Variants in SCYL3 observed in about 807,000 individuals in gnomAD.
SCYL3 encodes protein-associating with the carboxyl-terminal domain of ezrin.
SCYL3 carries 35 observed loss-of-function variants against 73.8 expected under a neutral mutation model. The ratio of observed to expected loss-of-function variants is 0.47; its 90% CI spans 0.36 to 0.63. SCYL3 has a LOEUF of 0.63. Ranked by LOEUF, SCYL3 falls within the 20% of genes least tolerant of loss-of-function variation. The pLI, the probability that SCYL3 is intolerant of heterozygous loss-of-function variation, is 0.00. For missense variants in SCYL3, 712 were observed against 798.9 expected, an observed-to-expected ratio of 0.89 and a Z score of 1.31; for synonymous variants, 277 against 295.2, an observed-to-expected ratio of 0.94 and a Z score of 0.63.
chr1:169,863,476 G>A lies in SCYL3; in HGVS notation c.956-679C>T, dbSNP rs151070748. On this transcript the variant is annotated intron_variant, in intron 9 of 12. Transcript: ENST00000367771. ...TTATTTGCAAAACCAGGTGTTAAAT[G>A]CTACAGTGGGACTTTGATGCTGGAT... Among the ~76,000 whole-genome samples, 29 of 152,318 alleles carry A rather than the reference G, an allele frequency of 1.9e-4. No homozygotes were observed. In the East Asian group the frequency reaches 5.2e-3, roughly 27 times the overall value.
chr1:169,887,411 A>T (rs1415217544), intron 2 of SCYL3, among the ~76,000 whole-genome samples: 8 of 152,172 alleles, frequency 5.3e-5, no homozygotes, highest in Non-Finnish European at 1.0e-4. Flanking sequence ...ACACAATTTT[A>T]AAAAAATCTT....
chr1:169,852,012 C>G lies in SCYL3; in HGVS notation c.*1701G>C, dbSNP rs774229437. 6.3e-7 allele frequency: 1 copy of G among 1,599,540 alleles called. No homozygotes were observed. On this transcript the variant is annotated 3_prime_UTR_variant, in exon 13 of 13. Coordinates refer to ENST00000367771, the MANE Select transcript of SCYL3 (RefSeq NM_020423.7). Reference sequence around the variant, plus strand: ...CTTTTTACTTACTGACGAAACAAACCAGTGTGGTTTCCAGCCTTATGCTGA... The same window carrying G: ...CTTTTTACTTACTGACGAAACAAACGAGTGTGGTTTCCAGCCTTATGCTGA...
At chr1:169,855,804 A>G (rs776608005) in intron 11 of SCYL3, 30 of 1,612,338 alleles carry the variant, frequency 1.9e-5, no homozygotes, top group Non-Finnish European at 2.5e-5. Context: ...ACCTGTCTGT[A>G]AAAGAGTATT....
intron 2 of SCYL3, among the ~76,000 whole-genome samples, chr1:169,881,332 G>C (rs905774605): frequency 6.6e-6 from 1 of 152,048 alleles, no homozygotes. Flanking sequence ...TATTTTGGGG[G>C]AGTACCTGTG....
Position 169,854,729 on chromosome 1 carries a change from C to T in SCYL3, c.1548G>A (p.Trp516Ter). ...CTAAGCTGCTGGGCTCGCAGTCATC[C>T]CAAGATGACTCTTCCACATCCAAGG... ...CTTLDVEESS[W>*]DDCEPSSLDT... Residue 516 changes from tryptophan (W) to a stop codon, truncating the protein, a stop_gained, in exon 12 of 13, where the codon TGG becomes TGA. Transcript: ENST00000367771. LOFTEE classifies it high-confidence loss of function. 1 of 1,613,960 alleles carries T rather than the reference C, an allele frequency of 6.2e-7. No homozygotes were observed. Among genetic ancestry groups the T allele is most frequent in the Non-Finnish European group, 8.5e-7 (1 of 1,179,876 alleles).
chr1:169,890,903 C>T (rs1662036412), intron 1 of SCYL3, among the ~76,000 whole-genome samples: 1 of 152,242 alleles, frequency 6.6e-6, no homozygotes, highest in South Asian at 2.1e-4. Context: ...GCTAATCCCT[C>T]TGTTCTGGAG....
At chr1:169,853,928 T>G in intron 12 of SCYL3, 156 bp from the exon 13 acceptor site, 2 of 810,548 alleles carry the variant, frequency 2.5e-6, no homozygotes, top group South Asian at 3.6e-5. Flanking sequence ...AACAGAAAGT[T>G]GAAAAGTAGG....
chr1:169,876,270 TAAGAAAC>T (rs780912196), intron 3 of SCYL3, among the ~76,000 whole-genome samples, 179 bp from the exon 4 acceptor site: 1 of 152,194 alleles, frequency 6.6e-6, no homozygotes, highest in Non-Finnish European at 1.5e-5. Flanking sequence ...ACTATAACTT[TAAGAAAC>T]AACAAATTGA....
chr1:169,869,831 G>C (rs773172127), intron 6 of SCYL3, among the ~76,000 whole-genome samples: 3 of 152,106 alleles, frequency 2.0e-5, no homozygotes, highest in Non-Finnish European at 4.4e-5. Context: ...AATCAAATGA[G>C]CTTTGAAAGA....
chr1:169,889,472 T>G (rs1317765975), intron 1 of SCYL3, among the ~76,000 whole-genome samples: 1 of 151,848 alleles, frequency 6.6e-6, no homozygotes, highest in Non-Finnish European at 1.5e-5. Context: ...AACAGACAAC[T>G]CATTGAAGAA....
Position 169,849,675 on chromosome 1 carries a change from C to A in SCYL3, c.*4038G>T. On this transcript the variant is annotated 3_prime_UTR_variant, in exon 13 of 13. Coordinates refer to ENST00000367771, the MANE Select transcript of SCYL3 (RefSeq NM_020423.7). ...ATATTTCAAATATTCCAGAACAATC[C>A]CAAAACATTTATTGAACTGCTTCTG... 1 of 1,225,690 alleles carries A rather than the reference C, an allele frequency of 8.2e-7. No homozygotes were observed. 75.9% of individuals were successfully genotyped at this position (1,225,690 alleles called of 1,614,324 possible).
intron 1 of SCYL3, among the ~76,000 whole-genome samples, chr1:169,890,947 C>A (rs1234129948): frequency 6.6e-6 from 1 of 152,222 alleles, no homozygotes; most frequent in Non-Finnish European, 1.5e-5. Flanking sequence ...CAACCTCCTG[C>A]TGAGTAGGGA....
At chr1:169,862,242 TAAC>T (rs1659700267) in intron 10 of SCYL3, among the ~76,000 whole-genome samples, 1 of 152,244 alleles carries the variant, frequency 6.6e-6, no homozygotes, top group African/African-American at 2.4e-5. Flanking sequence ...TAGTGGCTGA[TAAC>T]AACAGGCTGA....
In SCYL3 at chr1:169,868,966, C is replaced by T; in HGVS notation, c.699G>A (p.Arg233=). 6.2e-7 allele frequency: 1 copy of T among 1,614,102 alleles called. No individual in the cohort carries two copies. The highest frequency in any genetic ancestry group is 1.1e-5 in the South Asian group (1 of 91,078). The change falls in exon 7 of 13, where the codon CGG becomes CGA. Residue 233 remains arginine, a synonymous_variant. Transcript: ENST00000367771. ...GAGATAGTAAGGTGCAGAGCGCTGG[C>T]CGACATTTTGGAATGGGATTCAGCA... ...STLLNPIPKC[R]PALCTLLSHD... is the part of the protein sequence containing the mutation.
In SCYL3 at chr1:169,858,734, T is replaced by C. The variant is rs553089218; in HGVS notation, c.1312+307A>G. The stretch of plus-strand genomic sequence containing the variant: ...ATTTTTCAGCTCCATTATAATGTCA[T>C]GAGACCATCATGGTATAGACAGTCA... On this transcript the variant is annotated intron_variant, in intron 11 of 12. Coordinates refer to ENST00000367771, the MANE Select transcript of SCYL3 (RefSeq NM_020423.7). Among the ~76,000 whole-genome samples the C allele has an allele frequency of 7.2e-5, 11 of 152,164 alleles. No homozygotes were observed. In the East Asian group the frequency reaches 1.7e-3, roughly 24 times the overall value.
At chr1:169,878,326 C>T (rs938853949) in intron 3 of SCYL3, among the ~76,000 whole-genome samples, 2 of 152,194 alleles carry the variant, frequency 1.3e-5, no homozygotes, top group African/African-American at 2.4e-5. Context: ...GTTTTAGTAA[C>T]TCATGCCAGC....
Position 169,859,063 on chromosome 1 carries a change from T to A in SCYL3, c.1290A>T (p.Lys430Asn), listed in dbSNP as rs763647262. The change falls in exon 11 of 13, where the codon AAA (lysine) becomes AAT (asparagine). Residue 430 changes from lysine (K) to asparagine (N), a missense_variant. This residue lies in a region of SCYL3 where 370 missense variants were observed against 350.8 expected (regional missense o/e 1.05). Coordinates refer to ENST00000367771, the MANE Select transcript of SCYL3 (RefSeq NM_020423.7). ...TACCTTCTAGAGAAAGGTCAGTATT[T>A]TTAGTAAAACTTGGGGCAGTGCGTT... ...IFKRTAPSFT[K>N]NTDLSLEGDP... 1 of 1,613,512 alleles carries A rather than the reference T, an allele frequency of 6.2e-7. No individual in the cohort carries two copies. Among genetic ancestry groups the A allele is most frequent in the South Asian group, 1.1e-5 (1 of 90,966 alleles).
intron 3 of SCYL3, among the ~76,000 whole-genome samples, chr1:169,877,883 G>A (rs1660964080): frequency 6.6e-6 from 1 of 152,140 alleles, no homozygotes; most frequent in Non-Finnish European, 1.5e-5. Context: ...GATATTTGGA[G>A]AATCTGTCTC....
intron 3 of SCYL3, among the ~76,000 whole-genome samples, chr1:169,876,951 T>C (rs1660877617): frequency 2.0e-5 from 2 of 101,652 alleles, no homozygotes; most frequent in Non-Finnish European, 3.7e-5. Context: ...TGAGACCTTG[T>C]CTCAAATAAA....
Sources: gnomAD v4.1 joint callset for allele counts (sites outside exome capture counted in the v4.1 genomes callset) on GRCh38, gnomAD v4.1.1 for gene constraint, gnomAD v4.1.1 regional missense constraint, MANE v1.5 for transcripts, NCBI Gene and HGNC (gene_info 2026-07-23, HGNC 2026-07-21) for gene names.